ANKRD26: variants seen among roughly 807,000 people sequenced by gnomAD.
ANKRD26 encodes ankyrin repeat domain 26.
Under a neutral mutation model 208.7 loss-of-function variants are expected in ANKRD26, and 141 were observed. That is an observed-to-expected ratio of 0.68 (90% CI 0.59 to 0.78). The LOEUF (loss-of-function observed/expected upper bound fraction) is 0.78, where lower values mean the gene tolerates loss of function less well. Among genes scored for constraint, ANKRD26 ranks in the 30% least tolerant of loss-of-function variants. The pLI is 0.00. For missense variants in ANKRD26, 1,889 were observed against 1,938.7 expected (o/e 0.97, Z 0.48); for synonymous variants, 636 against 660.4 (o/e 0.96, Z 0.57).
chr10:27,063,726 C>A (rs1057041214), intron 12 of ANKRD26, among the ~76,000 whole-genome samples: 1 of 152,130 alleles, frequency 6.6e-6, no homozygotes, highest in African/African-American at 2.4e-5. Context: ...CTCTTTTACT[C>A]CTCTCCTCTT....
chr10:26,949,447 A>AT, the ANKRD26 span, among the ~76,000 whole-genome samples: 1 of 150,080 alleles, frequency 6.7e-6, no homozygotes. Context: ...AGTTTTCAAG[A>AT]TTTTCCTATT....
intron 32 of ANKRD26, among the ~76,000 whole-genome samples, chr10:27,007,170 TA>T (rs1185283404): frequency 2.0e-5 from 3 of 152,186 alleles, no homozygotes; most frequent in African/African-American, 7.2e-5. Context: ...TTTAATCTGA[TA>T]AAAAGTACAA....
intron 12 of ANKRD26, among the ~76,000 whole-genome samples, chr10:27,061,467 A>G (rs1157174041): frequency 6.6e-6 from 1 of 152,166 alleles, no homozygotes; most frequent in Non-Finnish European, 1.5e-5. Context: ...ATTTTATGAA[A>G]CAGCTATCGT....
At chr10:27,026,655 T>C (rs10829162) in intron 27 of ANKRD26, among the ~76,000 whole-genome samples, 30,391 of 152,084 alleles carry the variant, frequency 0.2, 3,644 homozygotes, top group East Asian at 0.56. Context: ...CACAGGAAAG[T>C]GTGAATGACC....
chr10:27,064,068 T>C lies in ANKRD26; in HGVS notation c.1283A>G (p.Asn428Ser). The change falls in exon 12 of 34, where the codon AAT (asparagine) becomes AGT (serine). Residue 428 changes from asparagine (N) to serine (S), a missense_variant. Transcript: ENST00000376087. The part of the protein sequence containing the change: ...SPWDSESISE[N>S]FPQKYVDPLA... ...AGGATCAACATACTTCTGTGGAAAA[T>C]TCTCAGAGATACTCTGTTAAAATTA... 6.2e-7 allele frequency: 1 copy of C among 1,609,576 alleles called. No homozygotes were observed. The highest frequency in any genetic ancestry group is 1.1e-5 in the South Asian group (1 of 90,940).
rs376992632 is a variant in ANKRD26, at chr10:27,100,111, G to A, written c.216C>T (p.Gly72=). 46 of 1,614,010 alleles carry A rather than the reference G, an allele frequency of 2.9e-5. No individual in the cohort carries two copies. The highest frequency in any genetic ancestry group is 1.6e-4 in the Middle Eastern group (1 of 6,084). ...VQQILLLRKN[G]LNDRDKMNRT... ...TGTTCATCTTGTCTCTATCGTTCAA[G>A]CCATTCTTCCTGAGCAAAAGGATCT... The change falls in exon 1 of 34, where the codon GGC becomes GGT. Residue 72 remains glycine (G), a synonymous_variant. Transcript: ENST00000376087.
chr10:27,076,566 CT>C (rs1554791772), intron 9 of ANKRD26, among the ~76,000 whole-genome samples: 1 of 151,612 alleles, frequency 6.6e-6, no homozygotes, highest in Admixed American at 6.6e-5. Flanking sequence ...TGCCCAGTAG[CT>C]TTTTTTTAAA....
At chr10:26,985,266 T>C (rs938210734) in intron 3 of ANKRD26, among the ~76,000 whole-genome samples, 2 of 152,062 alleles carry the variant, frequency 1.3e-5, no homozygotes, top group African/African-American at 2.4e-5. Context: ...AGAGTAAATA[T>C]TTTGTGGCAC....
chr10:27,043,289 T>C, intron 20 of ANKRD26, 137 bp downstream of exon 20: 1 of 939,628 alleles, frequency 1.1e-6, no homozygotes, highest in East Asian at 2.6e-5. Flanking sequence ...AAAGAACTCT[T>C]CAGCTTTGCA....
At chr10:27,012,061 A>G (rs1165383568) in intron 32 of ANKRD26, among the ~76,000 whole-genome samples, 1 of 152,250 alleles carries the variant, frequency 6.6e-6, no homozygotes, top group East Asian at 1.9e-4. Context: ...TTTAATTCAT[A>G]AGAAGTATTT....
intron 9 of ANKRD26, among the ~76,000 whole-genome samples, chr10:27,068,777 G>A (rs1028767980): frequency 8.5e-5 from 13 of 152,106 alleles, no homozygotes; most frequent in African/African-American, 2.7e-4. Flanking sequence ...TGGGGGTTGG[G>A]GGAGTGGTCA....
chr10:27,075,118 A>G (rs1352354997), intron 9 of ANKRD26, among the ~76,000 whole-genome samples: 1 of 152,244 alleles, frequency 6.6e-6, no homozygotes, highest in Non-Finnish European at 1.5e-5. Context: ...AGGTTGATAC[A>G]TAACAGAATA....
chr10:27,026,051 G>T (rs1402874218), intron 27 of ANKRD26, among the ~76,000 whole-genome samples: 1 of 152,128 alleles, frequency 6.6e-6, no homozygotes, highest in African/African-American at 2.4e-5. Context: ...CTTTCATAAT[G>T]CAAAACTTTT....
intron 30 of ANKRD26, among the ~76,000 whole-genome samples, 189 bp downstream of exon 30, chr10:27,017,313 C>T (rs1168029939): frequency 6.6e-6 from 1 of 152,048 alleles, no homozygotes; most frequent in Non-Finnish European, 1.5e-5. Flanking sequence ...AATCATTATT[C>T]TAAATCATCA....
chr10:26,975,504 G>A (rs1379865516), exon 6 of ANKRD26, among the ~76,000 whole-genome samples: 2 of 150,102 alleles, frequency 1.3e-5, no homozygotes, highest in African/African-American at 4.9e-5. Context: ...TGGGATAACA[G>A]GCATGAGCCA....
the ANKRD26 span, among the ~76,000 whole-genome samples, chr10:26,962,242 C>A: frequency 6.6e-6 from 1 of 152,024 alleles, no homozygotes; most frequent in Non-Finnish European, 1.5e-5. Flanking sequence ...TCAGTCTGGG[C>A]AACATAGTGA....
At chr10:26,949,792 C>T in the ANKRD26 span, among the ~76,000 whole-genome samples, 6 of 152,152 alleles carry the variant, frequency 3.9e-5, no homozygotes, top group South Asian at 2.1e-4. Context: ...TGTGACCCAC[C>T]GTGCCCAGCC....
At position 27,005,527 on chromosome 10, in the gene ANKRD26, T is replaced by C; in HGVS notation, c.*63A>G. ...GTTCCTTTAATATTTTTACATGTCA[T>C]ATATTAATATTTAATGAGAAACAAA... is the stretch of plus-strand genomic sequence containing the variant. On this transcript the variant is annotated 3_prime_UTR_variant, in exon 34 of 34. Coordinates refer to ENST00000376087, the MANE Select transcript of ANKRD26 (RefSeq NM_014915.3). 1.3e-6 allele frequency: 2 copies of C among 1,571,672 alleles called. No individual in the cohort carries two copies. The highest frequency in any genetic ancestry group is 1.7e-6 in the Non-Finnish European group (2 of 1,151,400).
chr10:27,011,380 G>C (rs376451260), intron 32 of ANKRD26, among the ~76,000 whole-genome samples: 72 of 152,202 alleles, frequency 4.7e-4, no homozygotes, highest in Middle Eastern at 3.4e-3. Flanking sequence ...CAATCCTCCT[G>C]CCCCAGCCTC....
Sources: allele counts gnomAD v4.1 joint callset (sites outside exome capture counted in the v4.1 genomes callset), GRCh38; gene constraint gnomAD v4.1.1; transcripts MANE v1.5; gene names NCBI Gene and HGNC (gene_info 2026-07-23, HGNC 2026-07-21).